The following ZNF469 variants were observed in gnomAD, a reference collection of about 807,000 sequenced individuals.
ZNF469 encodes zinc finger protein 469.
A neutral mutation model predicts 1.0 loss-of-function variants in ZNF469; 1 was observed. That is an observed-to-expected ratio of 1.00 (90% CI 0.35 to 4.73). ZNF469 has a LOEUF of 4.73. Among genes scored for constraint, ZNF469 ranks in the 30% most tolerant of loss-of-function variants. The pLI is 0.16. For missense variants in ZNF469, 6,100 were observed against 5,356.3 expected, an observed-to-expected ratio of 1.14 and a Z score of -4.33; for synonymous variants, 2,703 against 2,363.4, an observed-to-expected ratio of 1.14 and a Z score of -4.17.
At chr16:88,313,515 G>T in the ZNF469 span, among the ~76,000 whole-genome samples, 3 of 152,108 alleles carry the variant, frequency 2.0e-5, no homozygotes, top group East Asian at 1.9e-4. Flanking sequence ...GACGATGCTG[G>T]TGTGGGCTGT....
the ZNF469 span, among the ~76,000 whole-genome samples, chr16:88,151,852 C>T: frequency 4.6e-5 from 7 of 152,304 alleles, no homozygotes; most frequent in East Asian, 1.9e-4. This position sits in a 1 kb window ranked among gnomAD's most constrained non-coding sequence, Gnocchi z 5.4. Context: ...AAGACGTCCC[C>T]GCATTCATCA....
the ZNF469 span, chr16:88,234,972 T>C: frequency 6.8e-6 from 1 of 147,550 alleles, no homozygotes; most frequent in Admixed American, 6.7e-5. Flanking sequence ...CCGAGCGGGG[T>C]GGGGGCGGCT....
the ZNF469 span, among the ~76,000 whole-genome samples, chr16:88,282,050 T>C: frequency 6.6e-6 from 1 of 152,226 alleles, no homozygotes; most frequent in Admixed American, 6.5e-5. Context: ...ATTGTGCCAG[T>C]GTTGGTACCT....
At chr16:88,311,160 C>T in the ZNF469 span, among the ~76,000 whole-genome samples, 5,147 of 152,228 alleles carry the variant, frequency 0.034, 240 homozygotes, top group East Asian at 0.17. Flanking sequence ...TAGACTACAG[C>T]GATGAATCAC....
In ZNF469 at chr16:88,436,063, C is replaced by G; in HGVS notation, c.8593C>G (p.Pro2865Ala). The G allele has an allele frequency of 6.5e-7, 1 of 1,550,224 alleles. No homozygotes were observed. The highest frequency in any genetic ancestry group is 8.7e-7 in the Non-Finnish European group (1 of 1,146,990). Reference sequence around the variant, plus strand: ...GGTCTCTTTCTCCCAGCTCTTCCCTCCAGGCGGTCGCTTGACTAGAAAGAG... The same window carrying G: ...GGTCTCTTTCTCCCAGCTCTTCCCTGCAGGCGGTCGCTTGACTAGAAAGAG... The part of the protein sequence containing the change: ...DEVSFSQLFP[P>A]GGRLTRKRNP... The change falls in exon 3 of 3, where the codon CCA becomes GCA. Residue 2865 changes from proline to alanine, a missense_variant. Pro to Ala is a conservative substitution (Grantham distance 27, BLOSUM62 -1). Transcript: ENST00000565624.
the ZNF469 span, among the ~76,000 whole-genome samples, chr16:88,198,257 T>G: frequency 6.6e-6 from 1 of 152,144 alleles, no homozygotes; most frequent in African/African-American, 2.4e-5. Context: ...GGATGGAGTG[T>G]GGGGAGGGGC....
chr16:88,428,458 C>G lies in ZNF469; in HGVS notation c.988C>G (p.Pro330Ala). ...TGPAYPLPTQPAPSPLPCYQG... is the reference protein window; with the variant it reads ...TGPAYPLPTQAAPSPLPCYQG... Reference sequence around the variant, plus strand: ...CCCTGCCTACCCGCTGCCCACCCAGCCTGCGCCCTCACCCCTGCCCTGCTA... The same window carrying G: ...CCCTGCCTACCCGCTGCCCACCCAGGCTGCGCCCTCACCCCTGCCCTGCTA... Residue 330 changes from proline (P) to alanine (A), a missense_variant, in exon 3 of 3, where the codon CCT (proline) becomes GCT (alanine). By Grantham distance (27) the Pro-to-Ala change is conservative (BLOSUM62 -1). Transcript: ENST00000565624. 6.5e-7 allele frequency: 1 copy of G among 1,548,680 alleles called. No individual in the cohort carries two copies. The highest frequency in any genetic ancestry group is 8.7e-7 in the Non-Finnish European group (1 of 1,146,752).
chr16:88,182,849 T>C, the ZNF469 span, among the ~76,000 whole-genome samples: 1 of 152,008 alleles, frequency 6.6e-6, no homozygotes, highest in Admixed American at 6.6e-5. Flanking sequence ...GATTCTTAGA[T>C]AGGATACAAA....
intron 1 of ZNF469, among the ~76,000 whole-genome samples, chr16:88,412,656 C>T (rs1255231207): frequency 6.6e-6 from 1 of 152,156 alleles, no homozygotes; most frequent in African/African-American, 2.4e-5. Context: ...GTCTCACCCA[C>T]AGCGATGTCC....
At chr16:88,419,682 C>T (rs1451838414) in intron 1 of ZNF469, among the ~76,000 whole-genome samples, 6 of 152,206 alleles carry the variant, frequency 3.9e-5, no homozygotes, top group Non-Finnish European at 8.8e-5. Context: ...TAGCACTCCA[C>T]CCCTCCTCAA....
chr16:88,197,180 C>T, the ZNF469 span, among the ~76,000 whole-genome samples: 1 of 152,190 alleles, frequency 6.6e-6, no homozygotes, highest in Non-Finnish European at 1.5e-5. Context: ...TCGGATAAAG[C>T]TGTACTTGCA....
At position 88,437,061 on chromosome 16, in the gene ZNF469, C is replaced by G; in HGVS notation, c.9591C>G (p.His3197Gln). The change falls in exon 3 of 3, where the codon CAC becomes CAG. Residue 3197 changes from histidine (H) to glutamine (Q), a missense_variant. His to Gln is a conservative substitution (Grantham distance 24, BLOSUM62 0). Coordinates refer to ENST00000565624, the MANE Select transcript of ZNF469 (RefSeq NM_001367624.2). ...TGTACAACGAGCACCTGCGTGAGCA[C>G]GCGGTCCGCTTCGCCCGCAGGGGGC... ...VWMYNEHLREHAVRFARRGQA... is the reference protein window; with the variant it reads ...VWMYNEHLREQAVRFARRGQA... The G allele has an allele frequency of 6.5e-7, 1 of 1,539,172 alleles. No homozygotes were observed.
chr16:88,215,236 C>A, the ZNF469 span, among the ~76,000 whole-genome samples: 1 of 152,008 alleles, frequency 6.6e-6, no homozygotes, highest in African/African-American at 2.4e-5. Flanking sequence ...ATCTACCATG[C>A]TTTCTTTCTG....
rs1458177059 is a variant in ZNF469 at position 88,438,011 on chromosome 16, A to T, written c.10541A>T (p.Glu3514Val). ...SLPALLHLCS[E>V]VAPSTTKGWP... ...CCGGCCCTGCTCCACCTGTGTTCGG[A>T]GGTGGCTCCCAGCACCACCAAGGGA... is the stretch of plus-strand genomic sequence containing the variant. The change falls in exon 3 of 3, where the codon GAG becomes GTG. Residue 3514 changes from glutamate to valine, a missense_variant. By Grantham distance (121) the Glu-to-Val change is moderately radical. Transcript: ENST00000565624. 1 of 1,549,630 alleles carries T rather than the reference A, an allele frequency of 6.5e-7. No homozygotes were observed. The highest frequency in any genetic ancestry group is 2.4e-5 in the East Asian group (1 of 40,890).
the ZNF469 span, among the ~76,000 whole-genome samples, chr16:88,317,277 A>T: frequency 6.6e-6 from 1 of 152,106 alleles, no homozygotes; most frequent in East Asian, 1.9e-4. Flanking sequence ...CCTACTTCAG[A>T]CACCCTCTTC....
the ZNF469 span, among the ~76,000 whole-genome samples, chr16:88,373,694 G>T: frequency 1.3e-5 from 2 of 151,944 alleles, no homozygotes; most frequent in Non-Finnish European, 2.9e-5. Context: ...TCTTGAGCAG[G>T]TTTTGGAAGA....
chr16:88,162,458 T>G, the ZNF469 span, among the ~76,000 whole-genome samples: 1 of 151,774 alleles, frequency 6.6e-6, no homozygotes, highest in South Asian at 2.1e-4. Context: ...CCAAGAATAA[T>G]TATTCTGCTT....
the ZNF469 span, among the ~76,000 whole-genome samples, chr16:88,174,903 T>C: frequency 2.0e-5 from 3 of 151,884 alleles, no homozygotes; most frequent in East Asian, 1.9e-4. Flanking sequence ...TGTGCAAACA[T>C]TGGCGCCACA....
At chr16:88,164,187 T>C in the ZNF469 span, among the ~76,000 whole-genome samples, 1 of 147,732 alleles carries the variant, frequency 6.8e-6, no homozygotes, top group Non-Finnish European at 1.5e-5. Flanking sequence ...GATGGACGAG[T>C]GGGTGGATGG....
Sources: allele counts gnomAD v4.1 joint callset (sites outside exome capture counted in the v4.1 genomes callset), GRCh38; gene constraint gnomAD v4.1.1; non-coding constraint Gnocchi (gnomAD v3.1); transcripts MANE v1.5; gene names NCBI Gene and HGNC (gene_info 2026-07-23, HGNC 2026-07-21).